The following USP36 variants were observed in gnomAD, a reference collection of about 807,000 sequenced individuals.
The protein encoded by USP36 is ubiquitin carboxyl-terminal hydrolase 36.
In USP36, 59 loss-of-function variants were observed where a neutral mutation model predicts 111.5. The observed-to-expected ratio is 0.53, with a 90% confidence interval of 0.43 to 0.66. The LOEUF is 0.66. Ranked by LOEUF, USP36 falls within the 30% of genes least tolerant of loss-of-function variation. USP36 has a pLI of 0.00. For missense variants in USP36, 1,488 were observed against 1,468.0 expected (o/e 1.01, Z -0.22); for synonymous variants, 628 against 581.0 (o/e 1.08, Z -1.16).
At chr17:78,821,416 ATATATT>A (rs1464170863) in intron 7 of USP36, 1 of 51,788 alleles carries the variant, frequency 1.9e-5, no homozygotes, top group African/African-American at 9.9e-5. Context: ...ATATATATAT[ATATATT>A]TTTTTTTTTT....
intron 13 of USP36, among the ~76,000 whole-genome samples, chr17:78,808,540 T>C (rs2093972577): frequency 6.6e-6 from 1 of 152,228 alleles, no homozygotes; most frequent in African/African-American, 2.4e-5. Flanking sequence ...CCTGAGCAAC[T>C]GCACCCTGCC....
At chr17:78,799,516 C>T in intron 18 of USP36, 151 bp downstream of exon 18, 1 of 707,390 alleles carries the variant, frequency 1.4e-6, no homozygotes, top group Non-Finnish European at 2.4e-6. Flanking sequence ...AAAGAGGACT[C>T]CAGCCAGTGT....
At position 78,807,472 on chromosome 17, in the gene USP36, G is replaced by A. The variant is rs1478353493; in HGVS notation, c.1572C>T (p.His524=). The change falls in exon 14 of 21, where the codon CAC becomes CAT. Residue 524 remains histidine (H), a synonymous_variant. Transcript: ENST00000449938. ...PSPKLSQTPT[H]MPTILDDPGK... is the part of the protein sequence containing the mutation. ...CAGGGTCGTCTAGGATGGTTGGCAT[G>A]TGTGTGGGTGTCTGGGAGAGTTTGG... 1.2e-6 allele frequency: 2 copies of A among 1,614,108 alleles called. No homozygotes were observed. The highest frequency in any genetic ancestry group is 1.3e-5 in the African/African-American group (1 of 75,048).
At chr17:78,814,677 G>A in intron 10 of USP36, 125 bp from the exon 11 acceptor site, 2 of 1,214,490 alleles carry the variant, frequency 1.6e-6, no homozygotes, top group Non-Finnish European at 2.3e-6. Context: ...TGGGGGCCGG[G>A]CACAGTGGCT....
chr17:78,827,195 T>C (rs775626789), intron 6 of USP36, 50 bp downstream of exon 6: 9 of 1,520,704 alleles, frequency 5.9e-6, no homozygotes, highest in East Asian at 4.8e-5. Context: ...GCTGCCACCA[T>C]GTAGAAAAGG....
chr17:78,836,318 T>G lies in USP36; in HGVS notation c.46A>C (p.Lys16Gln), dbSNP rs772869882. Residue 16 changes from lysine (K) to glutamine (Q), a missense_variant, in exon 3 of 21, where the codon AAG (lysine) becomes CAG (glutamine). Lys to Gln is a moderately conservative substitution (Grantham distance 53). Transcript: ENST00000449938. ...AGTTCTCCATCATCAGCCGAGTCCTTGCGGCCGGGTTTCAGGGCCTCCTTC... is the reference window on the plus strand; with the variant it reads ...AGTTCTCCATCATCAGCCGAGTCCTGGCGGCCGGGTTTCAGGGCCTCCTTC... ...KLKEALKPGR[K>Q]DSADDGELGK... The G allele has an allele frequency of 1.2e-6, 2 of 1,614,146 alleles. No individual in the cohort carries two copies. Among genetic ancestry groups the G allele is most frequent in the Non-Finnish European group, 1.7e-6 (2 of 1,180,030 alleles).
chr17:78,812,117 C>T (rs1296390236), intron 13 of USP36, among the ~76,000 whole-genome samples: 1 of 151,858 alleles, frequency 6.6e-6, no homozygotes, highest in African/African-American at 2.4e-5. Context: ...AATCCAGGAG[C>T]TCAAGCCTGC....
At chr17:78,810,940 C>T (rs1339276119) in intron 13 of USP36, among the ~76,000 whole-genome samples, 1 of 151,868 alleles carries the variant, frequency 6.6e-6, no homozygotes, top group Non-Finnish European at 1.5e-5. Flanking sequence ...ATGGTGAAAC[C>T]CCATCTCTAC....
At chr17:78,824,096 C>T (rs536043610) in intron 6 of USP36, among the ~76,000 whole-genome samples, 1 of 152,320 alleles carries the variant, frequency 6.6e-6, no homozygotes, top group East Asian at 1.9e-4. Flanking sequence ...ACTAGAGTGC[C>T]ACACACAGCT....
At chr17:78,806,930 C>A (rs199764785) in intron 14 of USP36, 29 bp downstream of exon 14, 2 of 1,607,778 alleles carry the variant, frequency 1.2e-6, no homozygotes, top group African/African-American at 2.7e-5. Context: ...TCCTGATACA[C>A]AGCAGCGGCG....
downstream of USP36, chr17:78,795,532 G>A (rs1269616024): frequency 6.6e-6 from 1 of 152,182 alleles, no homozygotes; most frequent in Non-Finnish European, 1.5e-5. This position sits in a 1 kb window ranked among gnomAD's most constrained non-coding sequence, Gnocchi z 4.5. Context: ...GCTCCCTGCA[G>A]GGACCTACCT....
At chr17:78,827,223 G>C (rs754338468) in intron 6 of USP36, 22 bp downstream of exon 6, 1 of 1,598,202 alleles carries the variant, frequency 6.3e-7, no homozygotes. Context: ...AGCCCTGGGA[G>C]GGTGGGTGGG....
chr17:78,825,648 C>A (rs1307153051), intron 6 of USP36, among the ~76,000 whole-genome samples: 1 of 152,206 alleles, frequency 6.6e-6, no homozygotes, highest in African/African-American at 2.4e-5. Context: ...ATTCATTCTA[C>A]CTCCCATCCT....
In USP36 at chr17:78,814,468, C is replaced by T; in HGVS notation, c.1108G>A (p.Val370Ile). 6.2e-7 allele frequency: 1 copy of T among 1,614,168 alleles called. No homozygotes were observed. Among genetic ancestry groups the T allele is most frequent in the South Asian group, 1.1e-5 (1 of 91,088 alleles). The change falls in exon 11 of 21, where the codon GTC (valine) becomes ATC (isoleucine). Residue 370 changes from valine (V) to isoleucine (I), a missense_variant. Coordinates refer to ENST00000449938, the MANE Select transcript of USP36 (RefSeq NM_001385174.1). The part of the protein sequence containing the change: ...GDPVMYGLYA[V>I]LVHSGYSCHA... ...CAGCTGTAGCCCGAGTGCACCAGGA[C>T]AGCATAGAGTCCATACATGACAGGA...
chr17:78,787,884 G>C (rs1364326772), intron 3 of USP36, among the ~76,000 whole-genome samples: 2 of 152,206 alleles, frequency 1.3e-5, no homozygotes, highest in Non-Finnish European at 2.9e-5. Context: ...TACAAAAAGA[G>C]GGAGATTTGG....
chr17:78,800,969 ATTTTTTTTTTTTTT>A (rs746497209), intron 17 of USP36, among the ~76,000 whole-genome samples: 2 of 97,194 alleles, frequency 2.1e-5, no homozygotes, highest in African/African-American at 4.1e-5. Context: ...TTAGGGCAGT[ATTTTTTTTTTTTTT>A]TTTTTTTTTT....
Position 78,807,378 on chromosome 17 carries a change from T to C in USP36, c.1666A>G (p.Thr556Ala), listed in dbSNP as rs759714003. 9.9e-6 allele frequency: 16 copies of C among 1,614,176 alleles called. No homozygotes were observed. The highest frequency in any genetic ancestry group is 1.4e-5 in the Non-Finnish European group (16 of 1,180,010). The change falls in exon 14 of 21, where the codon ACC (threonine) becomes GCC (alanine). Residue 556 changes from threonine (T) to alanine (A), a missense_variant. Around this residue, in one of 3 missense-constraint regions of USP36, gnomAD observed 1,073 missense variants for 994.1 expected, o/e 1.08. Coordinates refer to ENST00000449938, the MANE Select transcript of USP36 (RefSeq NM_001385174.1). Reference protein sequence around the residue: ...SPRTAQGLPGTSNSNSSRSGS... With the variant: ...SPRTAQGLPGASNSNSSRSGS... ...GATCTGCTGCTATTCGAGTTGCTGG[T>C]CCCAGGCAGCCCCTGAGCAGTTCTG...
intron 14 of USP36, 139 bp downstream of exon 14, chr17:78,806,820 C>T (rs547399646): frequency 1.2e-5 from 15 of 1,235,154 alleles, no homozygotes; most frequent in East Asian, 7.1e-5. Flanking sequence ...TGGCTGGGAA[C>T]GACTAAAAGA....
chr17:78,821,418 A>T (rs1257226841), intron 7 of USP36: 610 of 49,940 alleles, frequency 0.012, 9 homozygotes, highest in African/African-American at 0.028. Flanking sequence ...ATATATATAT[A>T]TATTTTTTTT....
Sources: gnomAD v4.1 joint callset for allele counts (sites outside exome capture counted in the v4.1 genomes callset) on GRCh38, gnomAD v4.1.1 for gene constraint, gnomAD v4.1.1 regional missense constraint, Gnocchi (gnomAD v3.1) non-coding constraint, MANE v1.5 for transcripts, NCBI Gene and HGNC (gene_info 2026-07-23, HGNC 2026-07-21) for gene names.